CAMTA1: variants seen among roughly 807,000 people sequenced by gnomAD.
CAMTA1 encodes the protein calmodulin-binding transcription activator 1.
A neutral mutation model predicts 170.9 loss-of-function variants in CAMTA1; 27 were observed. The observed-to-expected ratio is 0.16, with a 90% CI of 0.12 to 0.22. CAMTA1 has a LOEUF of 0.22. CAMTA1 is among the 10% of genes least tolerant of loss of function. The pLI is 1.00. For synonymous variants in CAMTA1, 833 were observed against 891.5 expected (o/e 0.93, Z 1.17); for missense variants, 1,619 against 2,217.2 (o/e 0.73, Z 5.42).
Position 7,325,145 on chromosome 1 carries a change from A to G in CAMTA1, c.438+75519A>G, listed in dbSNP as rs955154446. Among the ~76,000 whole-genome samples, 1 of 152,242 alleles carries G rather than the reference A, an allele frequency of 6.6e-6. No homozygotes were observed. Among genetic ancestry groups the G allele is most frequent in the Non-Finnish European group, 1.5e-5 (1 of 68,048 alleles). On this transcript the variant is annotated intron_variant, in intron 5 of 22. Coordinates refer to ENST00000303635, the MANE Select transcript of CAMTA1 (RefSeq NM_015215.4). This position sits in a 1 kb window ranked among gnomAD's most constrained non-coding sequence, Gnocchi z 5.0. ...ATTCCACGCACTGTTCTAGGAACAT[A>G]GGAAACACAAGGAACAGAGAAGGCA...
intron 5 of CAMTA1, among the ~76,000 whole-genome samples, chr1:7,447,277 G>A (rs1297753241): frequency 6.6e-6 from 1 of 152,072 alleles, no homozygotes; most frequent in Non-Finnish European, 1.5e-5. Flanking sequence ...GGGAAGCAGA[G>A]TGACTCTACA....
intron 6 of CAMTA1, among the ~76,000 whole-genome samples, chr1:7,553,782 A>C (rs1184421093): frequency 2.5e-5 from 3 of 120,466 alleles, no homozygotes; most frequent in East Asian, 4.5e-4. Context: ...TTGGATTCAA[A>C]GAGAAGGGAG....
In CAMTA1 at chr1:7,562,809, G is replaced by A. The variant is rs1251173630; in HGVS notation, c.511-77591G>A. ...TTCTCATGGTCCCCAGGACCCCCAA[G>A]CAAGGCGGACGGGATGACAGGCCCT... is the stretch of plus-strand genomic sequence containing the variant. On this transcript the variant is annotated intron_variant, in intron 6 of 22. Transcript: ENST00000303635. This position sits in a 1 kb window ranked among gnomAD's most constrained non-coding sequence, Gnocchi z 4.8. 6.6e-6 allele frequency among the ~76,000 whole-genome samples: 1 copy of A among 152,164 alleles called. No individual in the cohort carries two copies. The highest frequency in any genetic ancestry group is 1.9e-4 in the East Asian group (1 of 5,188).
At chr1:7,397,906 G>A (rs185512248) in intron 5 of CAMTA1, among the ~76,000 whole-genome samples, 1 of 151,758 alleles carries the variant, frequency 6.6e-6, no homozygotes, top group Non-Finnish European at 1.5e-5. Context: ...AGTAACATAT[G>A]GCCTATCTTG....
intron 3 of CAMTA1, among the ~76,000 whole-genome samples, chr1:7,027,706 G>T (rs1478515006): frequency 6.6e-6 from 1 of 152,100 alleles, no homozygotes; most frequent in African/African-American, 2.4e-5. Flanking sequence ...TGAAAAATGT[G>T]GGATAGATTT....
At chr1:7,460,474 C>A (rs1346588454) in intron 5 of CAMTA1, among the ~76,000 whole-genome samples, 1 of 152,150 alleles carries the variant, frequency 6.6e-6, no homozygotes, top group African/African-American at 2.4e-5. Flanking sequence ...GAGCTCAAGG[C>A]AGGCACAGAG....
intron 5 of CAMTA1, among the ~76,000 whole-genome samples, chr1:7,301,460 C>G (rs1674747964): frequency 1.3e-5 from 2 of 152,324 alleles, no homozygotes; most frequent in South Asian, 4.1e-4. Flanking sequence ...GTTTCCCAGC[C>G]CTTGTTGATG....
At position 7,738,521 on chromosome 1, in the gene CAMTA1, G is replaced by A. The variant is rs775054741; in HGVS notation, c.4182+39G>A. The A allele has an allele frequency of 3.8e-6, 6 of 1,586,614 alleles. No individual in the cohort carries two copies. The East Asian group carries it at 1.1e-4, about 30-fold the overall frequency. ...ACAGGGTAAGCCCGCAGAGGCTGGT[G>A]CGTTCCAGTTGCTGTGATCTTTATG... is the stretch of plus-strand genomic sequence containing the variant. On this transcript the variant is annotated intron_variant, in intron 16 of 22. Coordinates refer to ENST00000303635, the MANE Select transcript of CAMTA1 (RefSeq NM_015215.4). This position sits in a 1 kb window ranked among gnomAD's most constrained non-coding sequence, Gnocchi z 4.9.
intron 4 of CAMTA1, among the ~76,000 whole-genome samples, chr1:7,185,862 C>G (rs1008298): frequency 0.56 from 85,409 of 152,066 alleles, 24,268 homozygotes; most frequent in Non-Finnish European, 0.58. Flanking sequence ...AACTGTTCCA[C>G]ATTAAAGGAA....
rs547658337 is a variant in CAMTA1, at chr1:7,354,800, C to T, written c.438+105174C>T. Among the ~76,000 whole-genome samples, 7 of 152,262 alleles carry T rather than the reference C, an allele frequency of 4.6e-5. No homozygotes were observed. In the South Asian group the frequency reaches 1.0e-3, roughly 23 times the overall value. ...GGTGTCTCATTGTGGTTTTGATGTGCGTTTTTCTGATGATGAGTGATGGTG... is the reference window on the plus strand; with the variant it reads ...GGTGTCTCATTGTGGTTTTGATGTGTGTTTTTCTGATGATGAGTGATGGTG... On this transcript the variant is annotated intron_variant, in intron 5 of 22. Coordinates refer to ENST00000303635, the MANE Select transcript of CAMTA1 (RefSeq NM_015215.4).
chr1:6,924,628 C>A (rs901949042), intron 3 of CAMTA1, among the ~76,000 whole-genome samples: 1 of 152,166 alleles, frequency 6.6e-6, no homozygotes, highest in Non-Finnish European at 1.5e-5. Flanking sequence ...TGGTAACAGC[C>A]GCTTTATTCC....
chr1:6,868,808 GA>G (rs1273918516), intron 3 of CAMTA1, among the ~76,000 whole-genome samples: 2 of 152,218 alleles, frequency 1.3e-5, no homozygotes, highest in Non-Finnish European at 2.9e-5. Flanking sequence ...TTGTGAAAGT[GA>G]AACTTGGTGT....
At chr1:7,498,487 ATG>A (rs1557818736) in intron 6 of CAMTA1, among the ~76,000 whole-genome samples, 1 of 148,458 alleles carries the variant, frequency 6.7e-6, no homozygotes, top group African/African-American at 2.5e-5. Flanking sequence ...GTGAGCATGT[ATG>A]AGAGTGAGTG....
chr1:7,597,574 A>ATCCTAT (rs2095409758), intron 6 of CAMTA1, among the ~76,000 whole-genome samples: 1 of 152,116 alleles, frequency 6.6e-6, no homozygotes, highest in African/African-American at 2.4e-5. Flanking sequence ...ATGTGTATAT[A>ATCCTAT]TATGGAGAGA....
chr1:7,399,055 GAT>G (rs1167017265), intron 5 of CAMTA1, among the ~76,000 whole-genome samples: 2 of 152,008 alleles, frequency 1.3e-5, no homozygotes, highest in African/African-American at 2.4e-5. Flanking sequence ...CTGTAGTTTG[GAT>G]ATGTTTGTCC....
rs775886588 is a variant in CAMTA1, at chr1:7,641,753, G to T, written c.664+1200G>T. Among the ~76,000 whole-genome samples the T allele has an allele frequency of 1.2e-4, 18 of 152,130 alleles. No homozygotes were observed. The highest frequency in any genetic ancestry group is 2.2e-4 in the Non-Finnish European group (15 of 67,998). On this transcript the variant is annotated intron_variant, in intron 7 of 22. Coordinates refer to ENST00000303635, the MANE Select transcript of CAMTA1 (RefSeq NM_015215.4). This position sits in a 1 kb window ranked among gnomAD's most constrained non-coding sequence, Gnocchi z 4.5. The stretch of plus-strand genomic sequence containing the variant: ...TTTGAGCCAAGTACCCCGTGGGGAG[G>T]TTTGGACCAGGCTTGCCTCAGTGCT...
chr1:7,388,613 G>A (rs1010500973), intron 5 of CAMTA1: 12 of 152,568 alleles, frequency 7.9e-5, no homozygotes, highest in Admixed American at 7.8e-4. Context: ...AGCCCTGTTG[G>A]TGTTGCTCTC....
At chr1:6,843,307 G>T (rs1376181385) in intron 3 of CAMTA1, among the ~76,000 whole-genome samples, 1 of 152,100 alleles carries the variant, frequency 6.6e-6, no homozygotes, top group African/African-American at 2.4e-5. Flanking sequence ...TCCCTACCCA[G>T]TCTTGGAACA....
chr1:7,423,599 T>C (rs2091711141), intron 5 of CAMTA1, among the ~76,000 whole-genome samples: 1 of 152,094 alleles, frequency 6.6e-6, no homozygotes, highest in Non-Finnish European at 1.5e-5. Context: ...CAACTACATA[T>C]TCAATTTTAT....
Sources: gnomAD v4.1 joint callset for allele counts (sites outside exome capture counted in the v4.1 genomes callset) on GRCh38, gnomAD v4.1.1 for gene constraint, Gnocchi (gnomAD v3.1) non-coding constraint, MANE v1.5 for transcripts, NCBI Gene and HGNC (gene_info 2026-07-23, HGNC 2026-07-21) for gene names.